The following CD109 variants were observed in gnomAD, a reference collection of about 807,000 sequenced individuals.
CD109 encodes the protein CD109 molecule, also known as CD109 antigen.
Under a neutral mutation model 165.8 loss-of-function variants are expected in CD109, and 149 were observed. The observed-to-expected ratio is 0.90, with a 90% CI of 0.79 to 1.03. The LOEUF (loss-of-function observed/expected upper bound fraction) is 1.03, where lower values mean the gene tolerates loss of function less well. Ranked by LOEUF, CD109 falls within the 50% of genes least tolerant of loss-of-function variation. CD109 has a pLI of 0.00. For synonymous variants in CD109, 585 were observed against 592.1 expected, an observed-to-expected ratio of 0.99 and a Z score of 0.18; for missense variants, 1,712 against 1,677.8, an observed-to-expected ratio of 1.02 and a Z score of -0.36.
At chr6:73,708,404 G>T (rs973364453) in intron 2 of CD109, among the ~76,000 whole-genome samples, 1 of 152,096 alleles carries the variant, frequency 6.6e-6, no homozygotes, top group Non-Finnish European at 1.5e-5. Context: ...GTTGTTGTTG[G>T]ACATTTGGGT....
At chr6:73,739,312 A>T (rs1209330613) in intron 5 of CD109, among the ~76,000 whole-genome samples, 2 of 152,200 alleles carry the variant, frequency 1.3e-5, no homozygotes, top group African/African-American at 4.8e-5. Context: ...AGTATAACCA[A>T]GGAAATGTTA....
At chr6:73,687,670 C>G in the CD109 span, among the ~76,000 whole-genome samples, 2 of 152,120 alleles carry the variant, frequency 1.3e-5, no homozygotes, top group South Asian at 4.1e-4. Flanking sequence ...TTCCTCTAAC[C>G]AAAAGGTGGA....
chr6:73,754,223 A>T (rs887754132), intron 5 of CD109, among the ~76,000 whole-genome samples: 1 of 152,152 alleles, frequency 6.6e-6, no homozygotes, highest in Non-Finnish European at 1.5e-5. Flanking sequence ...AGAGATAAGG[A>T]TTTAGGTGTC....
intron 5 of CD109, among the ~76,000 whole-genome samples, chr6:73,742,602 A>G (rs1405839471): frequency 1.3e-5 from 2 of 152,250 alleles, no homozygotes; most frequent in African/African-American, 4.8e-5. Context: ...TGTTCCTCCA[A>G]GAGCCCGAAA....
At chr6:73,742,054 T>C (rs1772805974) in intron 5 of CD109, among the ~76,000 whole-genome samples, 1 of 152,250 alleles carries the variant, frequency 6.6e-6, no homozygotes, top group Admixed American at 6.5e-5. Context: ...CATTTTTAAG[T>C]GTACAGTTCA....
chr6:73,799,803 C>T (rs958600225), intron 23 of CD109, among the ~76,000 whole-genome samples: 2 of 151,892 alleles, frequency 1.3e-5, no homozygotes, highest in African/African-American at 4.8e-5. Context: ...TCTTTTCTCT[C>T]TCTCCTTTTG....
chr6:73,758,952 A>G lies in CD109; in HGVS notation c.682A>G (p.Lys228Glu), dbSNP rs944064070. Reference protein sequence around the residue: ...SFQVSEYVLPKFEVTLQTPLY... With the variant: ...SFQVSEYVLPEFEVTLQTPLY... ...TTGCTTTTCTTTTCCAGTATTACCA[A>G]AATTTGAAGTGACTTTGCAGACACC... Residue 228 changes from lysine (K) to glutamate (E), a missense_variant, in exon 7 of 33, where the codon AAA becomes GAA. Lys to Glu is a moderately conservative substitution (Grantham distance 56). Transcript: ENST00000287097. 6 of 1,591,194 alleles carry G rather than the reference A, an allele frequency of 3.8e-6. No homozygotes were observed. Among genetic ancestry groups the G allele is most frequent in the South Asian group, 1.1e-5 (1 of 89,726 alleles).
chr6:73,764,175 CTCAG>C lies in CD109; in HGVS notation c.1107+493_1107+496del, dbSNP rs370182522. On this transcript the variant is annotated intron_variant, in intron 10 of 32. Transcript: ENST00000287097. The stretch of plus-strand genomic sequence containing the variant: ...GGCAGGGCTATAGAGCCAAGAAGGG[CTCAG>C]TCCCTACCCTCAGGTTCACAGTTTT... 3.3e-3 allele frequency among the ~76,000 whole-genome samples: 508 copies of C among 152,284 alleles called. 3 individuals are homozygous for C. The highest frequency in any genetic ancestry group is 0.012 in the African/African-American group (479 of 41,558).
chr6:73,775,814 C>G (rs1774225122), intron 15 of CD109, among the ~76,000 whole-genome samples: 1 of 152,110 alleles, frequency 6.6e-6, no homozygotes, highest in Admixed American at 6.5e-5. Flanking sequence ...GGATAATGAC[C>G]TCCAGCTCCA....
chr6:73,787,210 C>A, intron 20 of CD109, 24 bp from the exon 21 acceptor site: 3 of 1,496,996 alleles, frequency 2.0e-6, no homozygotes, highest in Non-Finnish European at 2.8e-6. Context: ...TATACAAAAG[C>A]TTTGATTTAT....
In CD109 at chr6:73,773,155, C is replaced by T. The variant is rs376196327; in HGVS notation, c.1827+1574C>T. On this transcript the variant is annotated intron_variant, in intron 15 of 32. Coordinates refer to ENST00000287097, the MANE Select transcript of CD109 (RefSeq NM_133493.5). ...CACACACACCCCATCTGATGTGCTG[C>T]GCACTCTGTCTCTATTTACATTTAT... 1.6e-4 allele frequency among the ~76,000 whole-genome samples: 24 copies of T among 150,440 alleles called. No individual in the cohort carries two copies. The East Asian group carries it at 1.7e-3, about 11-fold the overall frequency.
intron 4 of CD109, among the ~76,000 whole-genome samples, chr6:73,733,840 C>A (rs1486191189): frequency 6.6e-6 from 1 of 152,160 alleles, no homozygotes; most frequent in Non-Finnish European, 1.5e-5. Context: ...CACACATAAT[C>A]CAGAAATAGT....
At chr6:73,740,713 CT>C (rs1439956665) in intron 5 of CD109, among the ~76,000 whole-genome samples, 4 of 151,544 alleles carry the variant, frequency 2.6e-5, no homozygotes, top group African/African-American at 9.7e-5. Flanking sequence ...CTGCCTCAGC[CT>C]CCTGAGTAGC....
rs746868295 is a variant in CD109, at chr6:73,758,971, A to C, written c.701A>C (p.Gln234Pro). 1.2e-6 allele frequency: 2 copies of C among 1,605,714 alleles called. No individual in the cohort carries two copies. Among genetic ancestry groups the C allele is most frequent in the South Asian group, 2.2e-5 (2 of 90,464 alleles). ...YVLPKFEVTL[Q>P]TPLYCSMNSK... is the part of the protein sequence containing the mutation. The stretch of plus-strand genomic sequence containing the variant: ...TTACCAAAATTTGAAGTGACTTTGC[A>C]GACACCATTATATTGTTCTATGAAT... The change falls in exon 7 of 33, where the codon CAG (glutamine) becomes CCG (proline). Residue 234 changes from glutamine to proline, a missense_variant. Gln to Pro is a moderately conservative substitution (Grantham distance 76, BLOSUM62 -1). Coordinates refer to ENST00000287097, the MANE Select transcript of CD109 (RefSeq NM_133493.5).
chr6:73,685,746 T>G, the CD109 span, among the ~76,000 whole-genome samples: 104 of 152,318 alleles, frequency 6.8e-4, no homozygotes, highest in African/African-American at 2.4e-3. Flanking sequence ...ATCATTCTTA[T>G]CCCTTTGCAT....
At chr6:73,739,045 G>A (rs1772650938) in intron 5 of CD109, among the ~76,000 whole-genome samples, 1 of 152,028 alleles carries the variant, frequency 6.6e-6, no homozygotes, top group African/African-American at 2.4e-5. Context: ...TCTATTCCTG[G>A]GACCAAGTTC....
chr6:73,692,335 G>A (rs1019581302), upstream of CD109, among the ~76,000 whole-genome samples: 1 of 152,010 alleles, frequency 6.6e-6, no homozygotes, highest in Non-Finnish European at 1.5e-5. Flanking sequence ...AAATTCAGAA[G>A]TTTTATGCAA....
chr6:73,685,623 G>A, the CD109 span, among the ~76,000 whole-genome samples: 1 of 152,104 alleles, frequency 6.6e-6, no homozygotes, highest in Non-Finnish European at 1.5e-5. Context: ...GTTCTTTAGT[G>A]GTGATAATTC....
intron 23 of CD109, among the ~76,000 whole-genome samples, chr6:73,802,305 ATTT>A (rs71542232): frequency 2.5e-4 from 12 of 47,604 alleles, no homozygotes; most frequent in African/African-American, 6.0e-4. Flanking sequence ...ATATATATAT[ATTT>A]TTTTTTTTTT....
Sources: gnomAD v4.1 joint callset for allele counts (sites outside exome capture counted in the v4.1 genomes callset) on GRCh38, gnomAD v4.1.1 for gene constraint, MANE v1.5 for transcripts, NCBI Gene and HGNC (gene_info 2026-07-23, HGNC 2026-07-21) for gene names.